Variants in KIAA1217 observed in about 807,000 individuals in gnomAD.
The protein encoded by KIAA1217 is KIAA1217.
KIAA1217 carries 88 observed loss-of-function variants against 163.9 expected under a neutral mutation model. That is an observed-to-expected ratio of 0.54 (90% CI 0.45 to 0.64). The LOEUF (loss-of-function observed/expected upper bound fraction) is 0.64, where lower values mean the gene tolerates loss of function less well. Ranked by LOEUF, KIAA1217 falls within the 30% of genes least tolerant of loss-of-function variation. The pLI is 0.00. For missense variants in KIAA1217, 2,372 were observed against 2,475.0 expected, an observed-to-expected ratio of 0.96 and a Z score of 0.88; for synonymous variants, 903 against 923.1, an observed-to-expected ratio of 0.98 and a Z score of 0.39.
intron 1 of KIAA1217, among the ~76,000 whole-genome samples, chr10:23,708,380 G>A (rs1837025430): frequency 2.0e-5 from 3 of 152,200 alleles, no homozygotes; most frequent in Non-Finnish European, 4.4e-5. Context: ...ACACACATCT[G>A]TCTGGTCCAA....
At chr10:23,953,626 T>G (rs1844436264) in intron 1 of KIAA1217, among the ~76,000 whole-genome samples, 1 of 152,242 alleles carries the variant, frequency 6.6e-6, no homozygotes, top group Admixed American at 6.5e-5. Context: ...CAAGTGAGTT[T>G]TGGCAACTTA....
chr10:24,290,607 C>CTT (rs772470799), intron 2 of KIAA1217, among the ~76,000 whole-genome samples: 5 of 142,762 alleles, frequency 3.5e-5, no homozygotes, highest in African/African-American at 5.1e-5. Context: ...AGATGTCTCT[C>CTT]TTTTTTTTTT....
At chr10:24,316,783 G>T (rs1204754277) in intron 2 of KIAA1217, among the ~76,000 whole-genome samples, 6 of 152,088 alleles carry the variant, frequency 3.9e-5, no homozygotes, top group Admixed American at 1.3e-4. Flanking sequence ...AAAATAATAA[G>T]AAGAATATAT....
At chr10:24,490,783 G>C (rs1301697097) in intron 6 of KIAA1217, among the ~76,000 whole-genome samples, 1 of 152,142 alleles carries the variant, frequency 6.6e-6, no homozygotes, top group Non-Finnish European at 1.5e-5. Context: ...CTCTCCAGGG[G>C]GGATGTCAGA....
At chr10:24,169,375 C>A (rs1554891533) in intron 2 of KIAA1217, among the ~76,000 whole-genome samples, 2 of 150,190 alleles carry the variant, frequency 1.3e-5, no homozygotes, top group Non-Finnish European at 3.0e-5. Context: ...TACCCACAAT[C>A]ACCCTCCCAC....
At chr10:24,217,031 CAAAAAAAA>C (rs60303909) in intron 1 of KIAA1217, among the ~76,000 whole-genome samples, 15 of 21,318 alleles carry the variant, frequency 7.0e-4, no homozygotes, top group Admixed American at 1.5e-3. Context: ...GACCTTGTCT[CAAAAAAAA>C]AAAAAAAAAA....
intron 3 of KIAA1217, among the ~76,000 whole-genome samples, chr10:24,385,540 T>C (rs944359877): frequency 1.3e-5 from 2 of 152,124 alleles, no homozygotes; most frequent in African/African-American, 2.4e-5. Flanking sequence ...TTTCTGAGGC[T>C]TAGAGCCTAG....
intron 2 of KIAA1217, among the ~76,000 whole-genome samples, chr10:24,014,189 G>T (rs535517112): frequency 2.0e-4 from 30 of 152,168 alleles, no homozygotes; most frequent in Non-Finnish European, 3.8e-4. Context: ...TTTGATTTTG[G>T]ATAAATAGTA....
intron 1 of KIAA1217, among the ~76,000 whole-genome samples, chr10:23,995,510 G>A (rs374076057): frequency 1.3e-5 from 2 of 150,974 alleles, no homozygotes; most frequent in East Asian, 1.9e-4. Flanking sequence ...TATATATAAC[G>A]AAATTAGGGC....
intron 2 of KIAA1217, among the ~76,000 whole-genome samples, chr10:24,305,381 G>T (rs2041894112): frequency 6.6e-6 from 1 of 152,192 alleles, no homozygotes; most frequent in African/African-American, 2.4e-5. Flanking sequence ...ATTTGGGAAA[G>T]GGGAACAAGG....
intron 1 of KIAA1217, among the ~76,000 whole-genome samples, chr10:23,852,036 A>T (rs1047425009): frequency 2.0e-5 from 3 of 151,978 alleles, no homozygotes; most frequent in Non-Finnish European, 4.4e-5. Flanking sequence ...CCATTTGTCA[A>T]TTTTGGCTTT....
At chr10:24,338,630 C>A (rs1255035368) in intron 2 of KIAA1217, among the ~76,000 whole-genome samples, 4 of 152,212 alleles carry the variant, frequency 2.6e-5, no homozygotes, top group Admixed American at 1.3e-4. Flanking sequence ...ATGTCTGTGT[C>A]TGACCTAAAA....
At chr10:24,382,424 T>G (rs2053432712) in intron 3 of KIAA1217, among the ~76,000 whole-genome samples, 1 of 152,012 alleles carries the variant, frequency 6.6e-6, no homozygotes, top group African/African-American at 2.4e-5. Flanking sequence ...GTCCTAGCTG[T>G]CCTAAAAAAA....
chr10:23,836,896 C>G (rs1207490368), intron 1 of KIAA1217, among the ~76,000 whole-genome samples: 1 of 132,112 alleles, frequency 7.6e-6, no homozygotes, highest in African/African-American at 2.8e-5. Flanking sequence ...GCACTCTAGC[C>G]TGGGTGACAG....
intron 5 of KIAA1217, among the ~76,000 whole-genome samples, chr10:24,466,134 A>G (rs1387829440): frequency 6.6e-6 from 1 of 152,064 alleles, no homozygotes; most frequent in Non-Finnish European, 1.5e-5. Flanking sequence ...CAATTCCCAG[A>G]CTTCAAAAGT....
At chr10:24,017,637 G>A (rs1380230560) in intron 2 of KIAA1217, among the ~76,000 whole-genome samples, 1 of 151,872 alleles carries the variant, frequency 6.6e-6, no homozygotes, top group Admixed American at 6.6e-5. Context: ...CTAAAAAGCT[G>A]GATAAAATTT....
chr10:24,230,660 T>C (rs1184877589), intron 2 of KIAA1217, among the ~76,000 whole-genome samples: 1 of 152,038 alleles, frequency 6.6e-6, no homozygotes, highest in African/African-American at 2.4e-5. Flanking sequence ...TACAGGTGCC[T>C]GCAACCACTC....
chr10:24,237,936 A>T (rs2072511027), intron 2 of KIAA1217, among the ~76,000 whole-genome samples: 2 of 152,240 alleles, frequency 1.3e-5, no homozygotes, highest in African/African-American at 2.4e-5. Context: ...GAATCATTGG[A>T]GGAGAGGATC....
chr10:24,227,716 T>G (rs552449827), intron 2 of KIAA1217, among the ~76,000 whole-genome samples: 38 of 151,698 alleles, frequency 2.5e-4, no homozygotes, highest in Middle Eastern at 3.4e-3. Context: ...GTATTTTTAG[T>G]AGAGACGGGG....
Sources: allele counts gnomAD v4.1 joint callset (sites outside exome capture counted in the v4.1 genomes callset), GRCh38; gene constraint gnomAD v4.1.1; transcripts MANE v1.5; gene names NCBI Gene and HGNC (gene_info 2026-07-23, HGNC 2026-07-21).